Variants in BANP observed in about 807,000 individuals in gnomAD.
BANP encodes BTG3 associated nuclear protein, also known as protein BANP.
Under a neutral mutation model 68.1 loss-of-function variants are expected in BANP, and 11 were observed. That is an observed-to-expected ratio of 0.16 (90% CI 0.10 to 0.27). BANP has a LOEUF of 0.27. Ranked by LOEUF, BANP falls within the 10% of genes least tolerant of loss-of-function variation. The pLI is 1.00. For missense variants in BANP, 504 were observed against 722.7 expected (o/e 0.70, Z 3.47); for synonymous variants, 329 against 303.2 (o/e 1.09, Z -0.88).
At chr16:88,043,933 G>C (rs1245620650) in intron 11 of BANP, among the ~76,000 whole-genome samples, 1 of 152,210 alleles carries the variant, frequency 6.6e-6, no homozygotes, top group Admixed American at 6.5e-5. Flanking sequence ...TTTGCAGGGA[G>C]GTGGATGACT....
At chr16:88,027,287 G>A (rs539355470) in intron 7 of BANP, among the ~76,000 whole-genome samples, 196 bp from the exon 8 acceptor site, 2 of 152,190 alleles carry the variant, frequency 1.3e-5, no homozygotes, top group South Asian at 4.1e-4. Flanking sequence ...ATCTCGTGGG[G>A]AGCCCCGCCT....
intron 10 of BANP, 60 bp downstream of exon 10, chr16:88,035,454 C>T (rs2152751402): frequency 2.0e-6 from 3 of 1,467,630 alleles, no homozygotes; most frequent in Non-Finnish European, 2.8e-6. Flanking sequence ...TGCTCCCGAC[C>T]TTCATCGGTG....
chr16:88,045,249 T>A (rs1300330711), intron 11 of BANP, among the ~76,000 whole-genome samples: 1 of 152,222 alleles, frequency 6.6e-6, no homozygotes, highest in East Asian at 1.9e-4. Flanking sequence ...AGTCAGGTTT[T>A]TGGCATGGCT....
At chr16:88,065,788 G>A (rs1484358728) in intron 12 of BANP, among the ~76,000 whole-genome samples, 1 of 152,142 alleles carries the variant, frequency 6.6e-6, no homozygotes, top group African/African-American at 2.4e-5. Flanking sequence ...CAGGTTGCAT[G>A]CTTGCTCAGG....
At position 88,063,169 on chromosome 16, in the gene BANP, G is replaced by C. The variant is rs568489881; in HGVS notation, c.1312-2098G>C. Among the ~76,000 whole-genome samples the C allele has an allele frequency of 5.9e-5, 9 of 152,376 alleles. No individual in the cohort carries two copies. The East Asian group carries it at 1.7e-3, about 29-fold the overall frequency. On this transcript the variant is annotated intron_variant, in intron 11 of 13. Transcript: ENST00000682872. ...TTCTGTGTGACTGTTCTCAGAGCAC[G>C]CTGTGCCTTCATTTCTGCGTGTTTC...
chr16:88,050,771 C>G (rs148319784), intron 11 of BANP, among the ~76,000 whole-genome samples: 6 of 152,064 alleles, frequency 3.9e-5, no homozygotes, highest in African/African-American at 4.8e-5. Context: ...TCACTGCAAC[C>G]TCTGCCTCCA....
intron 4 of BANP, among the ~76,000 whole-genome samples, chr16:87,995,692 T>C (rs989731580): frequency 3.9e-5 from 6 of 152,236 alleles, no homozygotes; most frequent in African/African-American, 1.2e-4. Flanking sequence ...TGTTCAAATA[T>C]ACATCAGATA....
Position 88,036,266 on chromosome 16 carries a change from G to A in BANP, c.1272+872G>A, listed in dbSNP as rs750293762. 4.6e-5 allele frequency among the ~76,000 whole-genome samples: 7 copies of A among 152,196 alleles called. No homozygotes were observed. Among genetic ancestry groups the A allele is most frequent in the Non-Finnish European group, 1.0e-4 (7 of 68,024 alleles). ...TGTGTTTGGTGCATAGTAGTGTGTC[G>A]CTGCAAAGATCTCAGGCTTCCCCAC... is the stretch of plus-strand genomic sequence containing the variant. On this transcript the variant is annotated intron_variant, in intron 10 of 13. Coordinates refer to ENST00000682872, the MANE Select transcript of BANP (RefSeq NM_001386991.1). The surrounding 1 kb of genome is among the most constrained non-coding windows in gnomAD (Gnocchi z 4.2).
chr16:88,072,004 ATGTGGGTTGTGGGT>A (rs968815464), intron 12 of BANP, 51 bp from the exon 13 acceptor site: 66 of 1,535,474 alleles, frequency 4.3e-5, no homozygotes, highest in East Asian at 3.2e-4. Context: ...CTGTGGAGCC[ATGTGGGTTGTGGGT>A]TGTGGGTTGT....
chr16:87,987,962 C>T (rs1164885247), intron 4 of BANP, among the ~76,000 whole-genome samples: 1 of 151,806 alleles, frequency 6.6e-6, no homozygotes, highest in Admixed American at 6.6e-5. Context: ...TGAGGTTTTG[C>T]CATGTTGTAC....
rs1258824077 is a variant in BANP, at chr16:87,993,119, G to A, written c.362+8860G>A. On this transcript the variant is annotated intron_variant, in intron 4 of 13. Transcript: ENST00000682872. ...CACGGGTTTTGGGGAGGGAGGACACGTAGGTGAAGTCCTTCTCATCGCATT... is the reference window on the plus strand; with the variant it reads ...CACGGGTTTTGGGGAGGGAGGACACATAGGTGAAGTCCTTCTCATCGCATT... Among the ~76,000 whole-genome samples the A allele has an allele frequency of 1.8e-4, 27 of 152,246 alleles. No homozygotes were observed. The East Asian group carries it at 4.0e-3, about 23-fold the overall frequency.
intron 1 of BANP, among the ~76,000 whole-genome samples, chr16:87,955,888 G>A (rs1288358757): frequency 6.6e-6 from 1 of 152,210 alleles, no homozygotes; most frequent in Non-Finnish European, 1.5e-5. Flanking sequence ...GCTCACCACA[G>A]TCCTGGCCAG....
chr16:87,963,975 G>T (rs2059618737), intron 1 of BANP, among the ~76,000 whole-genome samples: 1 of 152,216 alleles, frequency 6.6e-6, no homozygotes, highest in Admixed American at 6.5e-5. Context: ...TACTTTTGCA[G>T]CTGTCCGTTT....
chr16:87,983,571 C>A (rs1180933544), intron 3 of BANP, among the ~76,000 whole-genome samples: 1 of 152,082 alleles, frequency 6.6e-6, no homozygotes, highest in Non-Finnish European at 1.5e-5. Flanking sequence ...TCAAGAGCCC[C>A]ACGGGAGCCT....
chr16:88,009,462 G>T (rs1304427571), intron 6 of BANP, among the ~76,000 whole-genome samples: 2 of 152,244 alleles, frequency 1.3e-5, no homozygotes, highest in African/African-American at 2.4e-5. Flanking sequence ...GAATTGACAT[G>T]CTGTTTTGTA....
chr16:87,977,400 C>G (rs59938981), intron 2 of BANP, among the ~76,000 whole-genome samples: 28,020 of 146,518 alleles, frequency 0.19, 3,369 homozygotes, highest in South Asian at 0.37. Flanking sequence ...GGCTGGGCGA[C>G]AGAGCGAGAC....
At position 88,003,502 on chromosome 16, in the gene BANP, C is replaced by T. The variant is rs1273204415; in HGVS notation, c.363-793C>T. On this transcript the variant is annotated intron_variant, in intron 4 of 13. Transcript: ENST00000682872. This position sits in a 1 kb window ranked among gnomAD's most constrained non-coding sequence, Gnocchi z 6.1. ...CCCAGCCTTCCACAACAAAGCGGAC[C>T]TTAGATATCCCTTGTGACCAGAAAG... The T allele has an allele frequency of 2.2e-6, 1 of 456,274 alleles. No individual in the cohort carries two copies. The highest frequency in any genetic ancestry group is 4.4e-6 in the Non-Finnish European group (1 of 226,968). The allele number at this position is 456,274 out of a possible 1,614,324, so 28.3% of individuals were successfully genotyped here.
intron 11 of BANP, among the ~76,000 whole-genome samples, chr16:88,048,405 G>A (rs1417643320): frequency 1.2e-4 from 19 of 152,196 alleles, no homozygotes. Context: ...CAGAAGAAAG[G>A]ACGTCCATTC....
chr16:88,009,883 T>G (rs1410919721), intron 6 of BANP, among the ~76,000 whole-genome samples: 1 of 151,852 alleles, frequency 6.6e-6, no homozygotes, highest in African/African-American at 2.4e-5. Context: ...TGTGTCTCAT[T>G]AGAATAAGAG....
Sources: allele counts gnomAD v4.1 joint callset (sites outside exome capture counted in the v4.1 genomes callset), GRCh38; gene constraint gnomAD v4.1.1; non-coding constraint Gnocchi (gnomAD v3.1); transcripts MANE v1.5; gene names NCBI Gene and HGNC (gene_info 2026-07-23, HGNC 2026-07-21).